RYR2: variants seen among roughly 807,000 people sequenced by gnomAD.
RYR2 encodes ryanodine receptor 2.
In RYR2, 227 loss-of-function variants were observed where a neutral mutation model predicts 601.1. That is an observed-to-expected ratio of 0.38 (90% CI 0.34 to 0.42). The LOEUF (loss-of-function observed/expected upper bound fraction) is 0.42, where lower values mean the gene tolerates loss of function less well. Among genes scored for constraint, RYR2 ranks in the 10% least tolerant of loss-of-function variants. The probability of loss-of-function intolerance (pLI) is 1.00; values close to 1 mark genes in which losing one functional copy is unlikely to be tolerated. For missense variants in RYR2, 4,646 were observed against 6,156.5 expected, an observed-to-expected ratio of 0.75 and a Z score of 8.21; for synonymous variants, 2,223 against 2,175.1, an observed-to-expected ratio of 1.02 and a Z score of -0.61.
Position 237,500,680 on chromosome 1 carries a change from A to G in RYR2, c.2204-31A>G, listed in dbSNP as rs572651551. On this transcript the variant is annotated intron_variant, in intron 20 of 104. Transcript: ENST00000366574. ...CTGATTCTCTGAGATAAAAAAATAC[A>G]TGACCTTCCTTAATGTTTTCCCCCC... The G allele has an allele frequency of 1.5e-5, 23 of 1,534,486 alleles. No homozygotes were observed. The East Asian group carries it at 4.1e-4, about 27-fold the overall frequency.
chr1:237,170,155 G>A (rs1677194571), intron 1 of RYR2, among the ~76,000 whole-genome samples: 1 of 152,238 alleles, frequency 6.6e-6, no homozygotes. Context: ...TAGGAAGAGA[G>A]CAACATGGAA....
intron 8 of RYR2, among the ~76,000 whole-genome samples, chr1:237,384,855 C>T (rs1235325126): frequency 6.6e-6 from 1 of 151,956 alleles, no homozygotes; most frequent in Non-Finnish European, 1.5e-5. Flanking sequence ...TTTTTAAAGG[C>T]TTTTTCCTAC....
intron 1 of RYR2, among the ~76,000 whole-genome samples, chr1:237,070,121 C>T (rs1157413038): frequency 6.6e-6 from 1 of 151,512 alleles, no homozygotes; most frequent in Non-Finnish European, 1.5e-5. Flanking sequence ...GCCTTGACCT[C>T]CCAGGCTCAA....
chr1:237,567,452 T>C lies in RYR2; in HGVS notation c.3423+677T>C, dbSNP rs1672209908. ...AAAAAAAATTAAAATTAGCCAAGCA[T>C]GGTGGTGTGCACTTGTGGTCCCAGC... On this transcript the variant is annotated intron_variant, in intron 28 of 104. Transcript: ENST00000366574. Among the ~76,000 whole-genome samples the C allele has an allele frequency of 2.0e-5, 3 of 149,120 alleles. No homozygotes were observed. In the South Asian group the frequency reaches 6.4e-4, roughly 32 times the overall value.
chr1:237,088,430 C>T (rs1403252093), intron 1 of RYR2, among the ~76,000 whole-genome samples: 1 of 152,182 alleles, frequency 6.6e-6, no homozygotes, highest in Admixed American at 6.5e-5. Flanking sequence ...GTTCCTTCAA[C>T]AAATGTGTAA....
intron 1 of RYR2, among the ~76,000 whole-genome samples, chr1:237,179,810 C>T (rs904653451): frequency 2.0e-5 from 3 of 152,042 alleles, no homozygotes; most frequent in African/African-American, 4.8e-5. Context: ...TCTGGAGAAG[C>T]GTGGGGGAAT....
At chr1:237,724,121 AAAT>A (rs1275871655) in intron 74 of RYR2, among the ~76,000 whole-genome samples, 72 of 150,606 alleles carry the variant, frequency 4.8e-4, no homozygotes, top group Non-Finnish European at 6.6e-4. Context: ...ACTAAATATA[AAAT>A]AATAATAAGA....
chr1:237,698,563 T>C (rs898125671), intron 63 of RYR2, among the ~76,000 whole-genome samples: 1 of 152,106 alleles, frequency 6.6e-6, no homozygotes, highest in Non-Finnish European at 1.5e-5. Context: ...GCAATTAGAA[T>C]GGAATGAAAA....
At chr1:237,515,422 A>C (rs866802231) in intron 24 of RYR2, among the ~76,000 whole-genome samples, 107 of 152,296 alleles carry the variant, frequency 7.0e-4, no homozygotes, top group African/African-American at 2.3e-3. Flanking sequence ...ATTTTTCCTG[A>C]AAATTATTTT....
intron 75 of RYR2, 87 bp downstream of exon 75, chr1:237,726,395 T>C (rs1186184796): frequency 9.6e-6 from 8 of 832,548 alleles, no homozygotes; most frequent in Admixed American, 2.3e-5. Context: ...AATTAATCTC[T>C]TTCTTCTCTT....
intron 17 of RYR2, 22 bp downstream of exon 17, chr1:237,469,209 T>C: frequency 6.6e-7 from 1 of 1,513,072 alleles, no homozygotes; most frequent in South Asian, 1.2e-5. Flanking sequence ...AGTTTTTTCC[T>C]TGTTGTGATA....
intron 58 of RYR2, among the ~76,000 whole-genome samples, chr1:237,672,805 G>T (rs1246638627): frequency 6.6e-6 from 1 of 152,144 alleles, no homozygotes; most frequent in Non-Finnish European, 1.5e-5. Context: ...ACAACTGTTT[G>T]TGCTTGATAT....
Position 237,107,402 on chromosome 1 carries a change from T to A in RYR2, c.48+64833T>A, listed in dbSNP as rs569717644. 2.7e-5 allele frequency among the ~76,000 whole-genome samples: 4 copies of A among 149,162 alleles called. No individual in the cohort carries two copies. The East Asian group carries it at 7.9e-4, about 30-fold the overall frequency. On this transcript the variant is annotated intron_variant, in intron 1 of 104. Coordinates refer to ENST00000366574, the MANE Select transcript of RYR2 (RefSeq NM_001035.3). ...TGGACGTGGTGGCGGGCGCCTGTAG[T>A]CCCAGCTACTCAGGAGGCTGAGGCA... is the stretch of plus-strand genomic sequence containing the variant.
chr1:237,627,724 G>A (rs1679828989), intron 40 of RYR2, 83 bp from the exon 41 acceptor site: 1 of 1,358,286 alleles, frequency 7.4e-7, no homozygotes, highest in Non-Finnish European at 9.8e-7. Flanking sequence ...CCAATTTGGG[G>A]GTACAGGATA....
rs1693784839 is a variant in RYR2, at chr1:237,765,547, C to T, written c.11476+4519C>T. 1.3e-5 allele frequency among the ~76,000 whole-genome samples: 2 copies of T among 152,168 alleles called. 1 individual carries two copies. Among genetic ancestry groups the T allele is most frequent in the South Asian group, 4.1e-4 (2 of 4,838 alleles). On this transcript the variant is annotated intron_variant, in intron 84 of 104. Coordinates refer to ENST00000366574, the MANE Select transcript of RYR2 (RefSeq NM_001035.3). Reference sequence around the variant, plus strand: ...TCAAATTTATGTGAAGTTGAAGCAACACAAATTGATTAAGCAAAGAGATTG... The same window carrying T: ...TCAAATTTATGTGAAGTTGAAGCAATACAAATTGATTAAGCAAAGAGATTG...
chr1:237,127,959 T>C (rs866142973), intron 1 of RYR2, among the ~76,000 whole-genome samples: 13 of 151,084 alleles, frequency 8.6e-5, no homozygotes, highest in Non-Finnish European at 1.3e-4. Context: ...CAGGCAGAGA[T>C]GCTCCTCACT....
Position 237,728,350 on chromosome 1 carries a change from G to A in RYR2, c.10838+1151G>A, listed in dbSNP as rs749060217. 7.9e-4 allele frequency among the ~76,000 whole-genome samples: 120 copies of A among 152,146 alleles called. 1 individual carries two copies. The highest frequency in any genetic ancestry group is 2.0e-3 in the Admixed American group (30 of 15,274). ...CTTCTCAATTCTCTGACTCAATTAT[G>A]CTGTCACCTTTTGGTCAGATAGAAT... On this transcript the variant is annotated intron_variant, in intron 76 of 104. Coordinates refer to ENST00000366574, the MANE Select transcript of RYR2 (RefSeq NM_001035.3).
intron 27 of RYR2, among the ~76,000 whole-genome samples, chr1:237,557,397 T>G (rs1200187785): frequency 1.3e-5 from 2 of 152,138 alleles, no homozygotes; most frequent in Non-Finnish European, 2.9e-5. Context: ...TACAGCTAAG[T>G]CAATCGGGTT....
At chr1:237,305,075 T>C (rs900470865) in intron 2 of RYR2, among the ~76,000 whole-genome samples, 3 of 152,228 alleles carry the variant, frequency 2.0e-5, no homozygotes, top group Non-Finnish European at 2.9e-5. Context: ...ATAAGCACTT[T>C]GGCAAACTGT....
Sources: allele counts gnomAD v4.1 joint callset (sites outside exome capture counted in the v4.1 genomes callset), GRCh38; gene constraint gnomAD v4.1.1; transcripts MANE v1.5; gene names NCBI Gene and HGNC (gene_info 2026-07-23, HGNC 2026-07-21).